Variants in ZNF540 observed in about 807,000 individuals in gnomAD.
ZNF540 encodes the protein CTD-3064H18.6.
ZNF540 carries 3 observed loss-of-function variants against 11.8 expected under a neutral mutation model. The observed-to-expected ratio is 0.25, with a 90% CI of 0.12 to 0.65. The LOEUF is 0.65. ZNF540 is among the 30% of genes least tolerant of loss of function. The probability of loss-of-function intolerance (pLI) is 0.83; values close to 1 mark genes in which losing one functional copy is unlikely to be tolerated. For missense variants in ZNF540, 709 were observed against 793.1 expected, an observed-to-expected ratio of 0.89 and a Z score of 1.27; for synonymous variants, 247 against 259.0, an observed-to-expected ratio of 0.95 and a Z score of 0.45.
chr19:37,575,279 T>A (rs532701764), intron 1 of ZNF540, among the ~76,000 whole-genome samples: 1 of 152,362 alleles, frequency 6.6e-6, no homozygotes, highest in South Asian at 2.1e-4. Context: ...GTACATTGTA[T>A]ATACATGTGT....
chr19:37,570,210 C>T (rs1026599916), intron 1 of ZNF540, among the ~76,000 whole-genome samples: 1 of 152,192 alleles, frequency 6.6e-6, no homozygotes, highest in Non-Finnish European at 1.5e-5. Flanking sequence ...GGTCCTTGGT[C>T]ATCACTAGGA....
intron 1 of ZNF540, among the ~76,000 whole-genome samples, chr19:37,561,889 T>C (rs547882377): frequency 6.6e-5 from 10 of 152,368 alleles, no homozygotes; most frequent in South Asian, 6.2e-4. Context: ...CAAAATGTAC[T>C]TTAGAGACGA....
intron 4 of ZNF540, among the ~76,000 whole-genome samples, chr19:37,604,296 C>CTTTTTTTTTTTTTTTTTTTTTT (rs769163050): frequency 8.0e-5 from 6 of 75,268 alleles, no homozygotes; most frequent in Non-Finnish European, 5.1e-5. Flanking sequence ...AATAGCCTTA[C>CTTTTTTTTTTTTTTTTTTTTTT]TTTTTTTTTT....
intron 1 of ZNF540, among the ~76,000 whole-genome samples, chr19:37,587,628 A>G (rs1247222252): frequency 1.3e-5 from 2 of 151,432 alleles, no homozygotes; most frequent in African/African-American, 4.9e-5. Context: ...TCTTGCATAC[A>G]TGTATAATCC....
chr19:37,590,927 TCAAA>T (rs947594603), upstream of ZNF540, among the ~76,000 whole-genome samples: 11 of 152,358 alleles, frequency 7.2e-5, no homozygotes, highest in South Asian at 4.1e-4. Context: ...ACTGTTGTTT[TCAAA>T]CAATTATATT....
At position 37,613,066 on chromosome 19, in the gene ZNF540, A is replaced by G. The variant is rs149940051; in HGVS notation, c.1786A>G (p.Ile596Val). The G allele has an allele frequency of 1.8e-4, 288 of 1,613,834 alleles. No homozygotes were observed. The African/African-American group carries it at 3.0e-3, about 17-fold the overall frequency. ...KAFSRSVDLR[I>V]HQRIHTGEKP... is the part of the protein sequence containing the mutation. Reference sequence around the variant, plus strand: ...CTTTAGTCGTAGTGTAGACCTTAGAATACATCAAAGAATTCATACTGGTGA... The same window carrying G: ...CTTTAGTCGTAGTGTAGACCTTAGAGTACATCAAAGAATTCATACTGGTGA... Residue 596 changes from isoleucine to valine, a missense_variant, in exon 5 of 5, where the codon ATA becomes GTA. Physicochemically the swap from Ile to Val is conservative, Grantham distance 29 (BLOSUM62 3). Transcript: ENST00000316433.
At chr19:37,584,843 A>C (rs2043608981) in intron 1 of ZNF540, among the ~76,000 whole-genome samples, 1 of 152,032 alleles carries the variant, frequency 6.6e-6, no homozygotes, top group African/African-American at 2.4e-5. Context: ...GGGCACCTGT[A>C]GTCCCAGCTA....
chr19:37,589,759 G>A (rs2043807885), intron 1 of ZNF540, among the ~76,000 whole-genome samples: 1 of 150,364 alleles, frequency 6.7e-6, no homozygotes, highest in Non-Finnish European at 1.5e-5. Context: ...CCAGCTACTT[G>A]GGAGGCTGAG....
In ZNF540 at chr19:37,599,677, G is replaced by A. The variant is rs2044024174; in HGVS notation, c.61G>A (p.Glu21Lys). Reference protein sequence around the residue: ...VAIDFSQKEWECLDTTQRKLY... With the variant: ...VAIDFSQKEWKCLDTTQRKLY... ...TATAGACTTCTCTCAGAAGGAATGGGAGTGCCTGGACACTACCCAGAGGAA... is the reference window on the plus strand; with the variant it reads ...TATAGACTTCTCTCAGAAGGAATGGAAGTGCCTGGACACTACCCAGAGGAA... The change falls in exon 3 of 5, where the codon GAG becomes AAG. Residue 21 changes from glutamate to lysine, a missense_variant. Physicochemically the swap from Glu to Lys is moderately conservative, Grantham distance 56. Transcript: ENST00000316433. The A allele has an allele frequency of 6.2e-7, 1 of 1,613,718 alleles. No individual in the cohort carries two copies. Among genetic ancestry groups the A allele is most frequent in the Non-Finnish European group, 8.5e-7 (1 of 1,179,824 alleles).
At chr19:37,596,416 C>T (rs1197387107) in intron 1 of ZNF540, among the ~76,000 whole-genome samples, 1 of 152,180 alleles carries the variant, frequency 6.6e-6, no homozygotes, top group Non-Finnish European at 1.5e-5. Flanking sequence ...GATCCTCCAG[C>T]TGGCCCACAA....
intron 1 of ZNF540, chr19:37,565,719 G>A: frequency 1.9e-6 from 3 of 1,613,828 alleles, no homozygotes; most frequent in Non-Finnish European, 2.5e-6. Flanking sequence ...TCAGTGAGCT[G>A]TGAACCACGA....
intron 1 of ZNF540, chr19:37,565,942 A>G: frequency 6.2e-7 from 1 of 1,613,750 alleles, no homozygotes; most frequent in Non-Finnish European, 8.5e-7. Flanking sequence ...ATTTTTCTAT[A>G]TTATGATTTT....
Position 37,598,205 on chromosome 19 carries a change from C to T in ZNF540, c.-72-171C>T, listed in dbSNP as rs113087859. On this transcript the variant is annotated intron_variant, in intron 1 of 4. Transcript: ENST00000316433. ...ATAACCTCTGCACTGTGTCCATCCT[C>T]GTACAGCCAGGTTCCCTTGCTGTGG... Among the ~76,000 whole-genome samples the T allele has an allele frequency of 4.5e-3, 689 of 152,312 alleles. 4 individuals carry two copies. Among genetic ancestry groups the T allele is most frequent in the African/African-American group, 0.016 (667 of 41,564 alleles).
In ZNF540 at chr19:37,611,673, A is replaced by G; in HGVS notation, c.393A>G (p.Gln131=). The G allele has an allele frequency of 6.2e-7, 1 of 1,614,038 alleles. No homozygotes were observed. The highest frequency in any genetic ancestry group is 8.5e-7 in the Non-Finnish European group (1 of 1,179,958). The change falls in exon 5 of 5, where the codon CAA becomes CAG. Residue 131 remains glutamine (Q), a synonymous_variant. Coordinates refer to ENST00000316433, the MANE Select transcript of ZNF540 (RefSeq NM_001172225.3). ...AGAACAAAAGTGAGTTTGAGGGTCA[A>G]CAGGGACTTAAAGAAAGATCTATCA... ...EWQNKSEFEG[Q]QGLKERSISQ... is the part of the protein sequence containing the mutation.
chr19:37,587,815 C>T (rs565312039), intron 1 of ZNF540, among the ~76,000 whole-genome samples: 2 of 151,996 alleles, frequency 1.3e-5, no homozygotes, highest in East Asian at 1.9e-4. Flanking sequence ...GCAATATCAT[C>T]GTCATTAAGA....
At chr19:37,584,279 G>T in intron 1 of ZNF540, 1 of 674,792 alleles carries the variant, frequency 1.5e-6, no homozygotes, top group Non-Finnish European at 2.4e-6. Flanking sequence ...AACTTCCTCT[G>T]TACAATAGAA....
chr19:37,565,368 G>A (rs762937113), intron 1 of ZNF540: 1 of 1,613,598 alleles, frequency 6.2e-7, no homozygotes, highest in Non-Finnish European at 8.5e-7. Context: ...TGAATTCTCT[G>A]ATGTTCATTC....
At chr19:37,605,054 C>A (rs929022800) in intron 4 of ZNF540, among the ~76,000 whole-genome samples, 2 of 152,198 alleles carry the variant, frequency 1.3e-5, no homozygotes, top group African/African-American at 4.8e-5. Flanking sequence ...TAGTCTTTCG[C>A]AGGCATGAAT....
intron 1 of ZNF540, among the ~76,000 whole-genome samples, chr19:37,576,183 A>C (rs1024057463): frequency 6.6e-6 from 1 of 152,208 alleles, no homozygotes; most frequent in Admixed American, 6.5e-5. Flanking sequence ...TTTACTAAAA[A>C]ATCCACCAAT....
Sources: allele counts gnomAD v4.1 joint callset (sites outside exome capture counted in the v4.1 genomes callset), GRCh38; gene constraint gnomAD v4.1.1; transcripts MANE v1.5; gene names NCBI Gene and HGNC (gene_info 2026-07-23, HGNC 2026-07-21).